The following GTF2E2 variants were observed in gnomAD, a reference collection of about 807,000 sequenced individuals.
GTF2E2 encodes general transcription factor IIE subunit 2.
GTF2E2 carries 21 observed loss-of-function variants against 40.5 expected under a neutral mutation model. That is an observed-to-expected ratio of 0.52 (90% CI 0.37 to 0.75). The LOEUF (loss-of-function observed/expected upper bound fraction) is 0.75. Among genes scored for constraint, GTF2E2 ranks in the 30% least tolerant of loss-of-function variants. The pLI is 0.00. For missense variants in GTF2E2, 298 were observed against 338.4 expected (o/e 0.88, Z 0.94); for synonymous variants, 117 against 121.6 (o/e 0.96, Z 0.25).
chr8:30,657,759 T>C (rs1179365703), intron 1 of GTF2E2: 5 of 152,234 alleles, frequency 3.3e-5, no homozygotes, highest in African/African-American at 1.2e-4. Context: ...TTTCCCTCTT[T>C]CCAACCCAAA....
At chr8:30,653,933 C>A (rs1802369997) in intron 1 of GTF2E2, among the ~76,000 whole-genome samples, 1 of 151,700 alleles carries the variant, frequency 6.6e-6, no homozygotes, top group Non-Finnish European at 1.5e-5. Context: ...TACAAAAATA[C>A]AAAAAATCAG....
chr8:30,604,292 G>A (rs1283424960), intron 6 of GTF2E2, among the ~76,000 whole-genome samples: 1 of 152,094 alleles, frequency 6.6e-6, no homozygotes, highest in Admixed American at 6.6e-5. Flanking sequence ...AGGAGTGTAA[G>A]GGTGGTTAAA....
At chr8:30,652,877 C>A (rs1802327493) in intron 2 of GTF2E2, among the ~76,000 whole-genome samples, 1 of 151,934 alleles carries the variant, frequency 6.6e-6, no homozygotes, top group Non-Finnish European at 1.5e-5. Flanking sequence ...ATACGCTTTA[C>A]CAATAAAAAT....
chr8:30,593,233 TG>T (rs1426966529), intron 6 of GTF2E2, among the ~76,000 whole-genome samples: 2 of 152,210 alleles, frequency 1.3e-5, no homozygotes, highest in East Asian at 3.8e-4. Context: ...ATTCTGCTGC[TG>T]CAGGACAGTC....
chr8:30,607,120 G>C lies in GTF2E2; in HGVS notation c.580C>G (p.Arg194Gly). 6.8e-7 allele frequency: 1 copy of C among 1,468,916 alleles called. No homozygotes were observed. The highest frequency in any genetic ancestry group is 9.4e-7 in the Non-Finnish European group (1 of 1,064,210). 91.0% of individuals were successfully genotyped at this position (1,468,916 alleles called of 1,614,324 possible). The change falls in exon 6 of 8, where the codon CGT becomes GGT. Residue 194 changes from arginine to glycine, a missense_variant. Coordinates refer to ENST00000355904, the MANE Select transcript of GTF2E2 (RefSeq NM_002095.6). ...ALGDQILFVN[R>G]PDKKKILFFN... Reference sequence around the variant, plus strand: ...AAAAGTATTTTCTTCTTATCGGGACGATTTACAAATAGTATCTGGTCCCCC... The same window carrying C: ...AAAAGTATTTTCTTCTTATCGGGACCATTTACAAATAGTATCTGGTCCCCC...
chr8:30,653,655 C>A, intron 1 of GTF2E2, 53 bp from the exon 2 acceptor site: 2 of 1,263,232 alleles, frequency 1.6e-6, no homozygotes, highest in East Asian at 2.3e-5. Flanking sequence ...CTCAAACCTG[C>A]ACTCCAAATC....
chr8:30,657,359 G>C (rs751120062), intron 1 of GTF2E2, among the ~76,000 whole-genome samples: 40 of 152,102 alleles, frequency 2.6e-4, no homozygotes, highest in Non-Finnish European at 4.9e-4. Flanking sequence ...CACGATTCTT[G>C]CCACCATTCG....
At chr8:30,623,180 C>A (rs12545979) in intron 3 of GTF2E2, among the ~76,000 whole-genome samples, 50,849 of 151,920 alleles carry the variant, frequency 0.33, 8,677 homozygotes, top group African/African-American at 0.4. Context: ...GAAATCTTCA[C>A]AATCCACGTT....
chr8:30,622,985 T>C (rs895354988), intron 3 of GTF2E2, among the ~76,000 whole-genome samples: 12 of 152,174 alleles, frequency 7.9e-5, no homozygotes, highest in Non-Finnish European at 1.3e-4. Context: ...TGAAGCGACA[T>C]ACATCCTCCT....
At chr8:30,650,644 C>T (rs972608107) in intron 2 of GTF2E2, among the ~76,000 whole-genome samples, 16 of 151,936 alleles carry the variant, frequency 1.1e-4, no homozygotes, top group Non-Finnish European at 2.2e-4. Flanking sequence ...TGCAGTGAGC[C>T]ATGATCACGC....
chr8:30,645,297 G>T (rs1002309300), intron 2 of GTF2E2: 176 of 1,528,840 alleles, frequency 1.2e-4, no homozygotes, highest in Non-Finnish European at 1.5e-4. Flanking sequence ...AAGAGCAAGT[G>T]GAATCTCTAA....
intron 6 of GTF2E2, among the ~76,000 whole-genome samples, chr8:30,592,272 G>A (rs1487943712): frequency 1.3e-5 from 2 of 152,138 alleles, no homozygotes; most frequent in African/African-American, 4.8e-5. Context: ...CTAGCTACTG[G>A]GGAGGCTGAG....
rs571474967 is a variant in GTF2E2 at position 30,618,379 on chromosome 8, G to A, written c.259-3664C>T. Among the ~76,000 whole-genome samples, 8 of 152,144 alleles carry A rather than the reference G, an allele frequency of 5.3e-5. No homozygotes were observed. The East Asian group carries it at 1.5e-3, about 29-fold the overall frequency. On this transcript the variant is annotated intron_variant, in intron 3 of 7. Coordinates refer to ENST00000355904, the MANE Select transcript of GTF2E2 (RefSeq NM_002095.6). ...GCTCCTTCATCACTAGTAGTAAAGT[G>A]GCTCCTTCGCTTCATGTCAGGACAT...
At chr8:30,582,742 G>A (rs1033911161) in intron 6 of GTF2E2, among the ~76,000 whole-genome samples, 1 of 152,172 alleles carries the variant, frequency 6.6e-6, no homozygotes, top group East Asian at 1.9e-4. Context: ...ACAGTAACGA[G>A]CTTGTGCCCT....
At chr8:30,619,390 CTTTT>C (rs5890528) in intron 3 of GTF2E2, among the ~76,000 whole-genome samples, 4 of 142,068 alleles carry the variant, frequency 2.8e-5, no homozygotes, top group South Asian at 2.3e-4. Context: ...CATAAACTGA[CTTTT>C]TTTTTTTTTT....
chr8:30,654,806 TAGA>T (rs1298008090), intron 1 of GTF2E2, among the ~76,000 whole-genome samples: 7 of 152,166 alleles, frequency 4.6e-5, no homozygotes, highest in African/African-American at 1.2e-4. Flanking sequence ...GGGCAGAAAT[TAGA>T]AGAAGGTGGA....
At chr8:30,626,862 A>G (rs1467784353) in intron 3 of GTF2E2, among the ~76,000 whole-genome samples, 1 of 152,262 alleles carries the variant, frequency 6.6e-6, no homozygotes, top group Non-Finnish European at 1.5e-5. Flanking sequence ...TGACTCCAGC[A>G]AAAGTGAAAA....
chr8:30,632,173 A>C (rs1801454945), intron 3 of GTF2E2, among the ~76,000 whole-genome samples: 1 of 152,208 alleles, frequency 6.6e-6, no homozygotes, highest in Middle Eastern at 3.2e-3. Flanking sequence ...TTCATATTTT[A>C]ACTGATTTAA....
At chr8:30,641,528 A>C (rs763464540) in intron 2 of GTF2E2, among the ~76,000 whole-genome samples, 2 of 152,026 alleles carry the variant, frequency 1.3e-5, no homozygotes, top group African/African-American at 2.4e-5. Flanking sequence ...ATGCCCAGCT[A>C]ATTTTTATTT....
Sources: gnomAD v4.1 joint callset for allele counts (sites outside exome capture counted in the v4.1 genomes callset) on GRCh38, gnomAD v4.1.1 for gene constraint, MANE v1.5 for transcripts, NCBI Gene and HGNC (gene_info 2026-07-23, HGNC 2026-07-21) for gene names.